LRP1B: variants seen among roughly 807,000 people sequenced by gnomAD.
LRP1B encodes the protein LDL receptor related protein 1B.
Under a neutral mutation model 556.6 loss-of-function variants are expected in LRP1B, and 217 were observed. The observed-to-expected ratio is 0.39, with a 90% confidence interval of 0.35 to 0.44. The LOEUF is 0.44. LRP1B is among the 20% of genes least tolerant of loss of function. LRP1B has a pLI of 1.00. For missense variants in LRP1B, 5,053 were observed against 5,620.8 expected, an observed-to-expected ratio of 0.90 and a Z score of 3.23; for synonymous variants, 2,047 against 1,865.8, an observed-to-expected ratio of 1.10 and a Z score of -2.50.
intron 1 of LRP1B, among the ~76,000 whole-genome samples, chr2:142,005,035 ATAT>A (rs1702760548): frequency 1.3e-5 from 2 of 148,188 alleles, no homozygotes; most frequent in African/African-American, 4.9e-5. Flanking sequence ...AGTATTATAG[ATAT>A]TATATATTTA....
chr2:140,830,322 C>G (rs1691671346), intron 31 of LRP1B, among the ~76,000 whole-genome samples: 2 of 152,030 alleles, frequency 1.3e-5, no homozygotes, highest in South Asian at 4.1e-4. Context: ...AAAACTATAT[C>G]CCTAATAAAC....
chr2:140,668,650 A>G (rs924068741), intron 41 of LRP1B, among the ~76,000 whole-genome samples: 2 of 151,908 alleles, frequency 1.3e-5, no homozygotes, highest in African/African-American at 4.8e-5. Flanking sequence ...AATTTTATTT[A>G]TATATTCATC....
At chr2:141,909,291 C>T (rs1699840314) in intron 1 of LRP1B, among the ~76,000 whole-genome samples, 1 of 151,950 alleles carries the variant, frequency 6.6e-6, no homozygotes, top group Non-Finnish European at 1.5e-5. Context: ...ATACAGGTAA[C>T]TCTTATAAGA....
intron 2 of LRP1B, among the ~76,000 whole-genome samples, chr2:141,547,951 G>A (rs769525836): frequency 7.2e-5 from 11 of 152,074 alleles, no homozygotes; most frequent in Non-Finnish European, 7.4e-5. Context: ...AGGGGAGGAC[G>A]ACCTAGCTCT....
chr2:140,718,369 C>G (rs2105468387), intron 35 of LRP1B, among the ~76,000 whole-genome samples: 1 of 152,046 alleles, frequency 6.6e-6, no homozygotes, highest in Non-Finnish European at 1.5e-5. Context: ...AATCCATTAC[C>G]AAGCATTTTT....
intron 84 of LRP1B, among the ~76,000 whole-genome samples, chr2:140,287,612 A>G (rs1683198716): frequency 6.7e-6 from 1 of 149,844 alleles, no homozygotes; most frequent in African/African-American, 2.4e-5. Context: ...CCATGGGTTT[A>G]GACATGGATC....
chr2:140,908,900 A>C (rs1336409258), intron 21 of LRP1B, among the ~76,000 whole-genome samples: 8 of 152,160 alleles, frequency 5.3e-5, no homozygotes. Context: ...CCCAGGTTCA[A>C]GCAATTCTCC....
At chr2:141,381,980 G>A (rs115889031) in intron 3 of LRP1B, among the ~76,000 whole-genome samples, 3 of 150,940 alleles carry the variant, frequency 2.0e-5, no homozygotes, top group Non-Finnish European at 4.4e-5. Flanking sequence ...GTCATTTTAA[G>A]TGTGTAGACA....
intron 20 of LRP1B, among the ~76,000 whole-genome samples, chr2:140,948,395 T>C (rs1695605052): frequency 6.6e-6 from 1 of 152,172 alleles, no homozygotes; most frequent in South Asian, 2.1e-4. Flanking sequence ...TACTTTTTCT[T>C]TTTTCACTCA....
chr2:141,595,475 A>G (rs990324993), intron 2 of LRP1B, among the ~76,000 whole-genome samples: 1 of 152,098 alleles, frequency 6.6e-6, no homozygotes, highest in Non-Finnish European at 1.5e-5. Context: ...ACCTCATCAG[A>G]TTTTTTATTG....
chr2:141,126,709 A>G (rs1346776982), intron 7 of LRP1B, among the ~76,000 whole-genome samples: 1 of 152,130 alleles, frequency 6.6e-6, no homozygotes, highest in Admixed American at 6.5e-5. Flanking sequence ...GTTACAATCA[A>G]AATTCTGTCA....
At chr2:141,430,772 C>T (rs182841238) in intron 3 of LRP1B, among the ~76,000 whole-genome samples, 22 of 152,086 alleles carry the variant, frequency 1.4e-4, no homozygotes, top group Non-Finnish European at 2.6e-4. Flanking sequence ...CAATCAAATG[C>T]CAATCTAGGT....
At chr2:141,682,889 C>T (rs549907269) in intron 2 of LRP1B, among the ~76,000 whole-genome samples, 1 of 152,242 alleles carries the variant, frequency 6.6e-6, no homozygotes, top group East Asian at 1.9e-4. Flanking sequence ...CTTTACCATG[C>T]TCCTCTGTTA....
intron 7 of LRP1B, among the ~76,000 whole-genome samples, chr2:141,177,641 T>G (rs773383927): frequency 1.3e-5 from 2 of 152,026 alleles, no homozygotes; most frequent in Non-Finnish European, 2.9e-5. Context: ...AAGAAATGAG[T>G]GAAGGGAAGA....
intron 3 of LRP1B, among the ~76,000 whole-genome samples, chr2:141,271,871 T>A (rs1446204586): frequency 6.6e-6 from 1 of 151,846 alleles, no homozygotes; most frequent in Non-Finnish European, 1.5e-5. Flanking sequence ...AAAGCAATTA[T>A]GTAAAAATTA....
At position 140,536,689 on chromosome 2, in the gene LRP1B, C is replaced by T. The variant is rs752821529; in HGVS notation, c.7534G>A (p.Ala2512Thr). The change falls in exon 46 of 91, where the codon GCT becomes ACT. Residue 2512 changes from alanine (A) to threonine (T), a missense_variant. Coordinates refer to ENST00000389484, the MANE Select transcript of LRP1B (RefSeq NM_018557.3). ...RCVTKNSSCN[A>T]YSEFECGNGE... ...TTTCCACATTCAAACTCCGAATAAG[C>T]GTTGCAGGAGGAATTTTTAGCTGCA... 10 of 1,596,622 alleles carry T rather than the reference C, an allele frequency of 6.3e-6. No individual in the cohort carries two copies. Among genetic ancestry groups the T allele is most frequent in the East Asian group, 2.3e-5 (1 of 44,354 alleles).
chr2:140,625,093 AG>A lies in LRP1B; in HGVS notation c.6800-23455del, dbSNP rs967727460. ...CAGGTTAAGGTGAGAAGCTCATTGG[AG>A]GGTTTTAACCAAACTATGAACAGTT... On this transcript the variant is annotated intron_variant, in intron 41 of 90. Coordinates refer to ENST00000389484, the MANE Select transcript of LRP1B (RefSeq NM_018557.3). 7.2e-4 allele frequency among the ~76,000 whole-genome samples: 110 copies of A among 152,264 alleles called. 1 individual carries two copies. Among genetic ancestry groups the A allele is most frequent in the African/African-American group, 2.5e-3 (105 of 41,560 alleles).
chr2:141,474,909 C>T (rs1310663241), intron 3 of LRP1B, among the ~76,000 whole-genome samples: 1 of 152,082 alleles, frequency 6.6e-6, no homozygotes, highest in African/African-American at 2.4e-5. Flanking sequence ...TTTAAAAGGA[C>T]TTCAGAATGT....
At chr2:141,211,147 T>C (rs930148462) in intron 6 of LRP1B, among the ~76,000 whole-genome samples, 1 of 151,550 alleles carries the variant, frequency 6.6e-6, no homozygotes, top group African/African-American at 2.4e-5. Context: ...ACTACCATGC[T>C]CAGCTAATTT....
Sources: allele counts gnomAD v4.1 joint callset (sites outside exome capture counted in the v4.1 genomes callset), GRCh38; gene constraint gnomAD v4.1.1; transcripts MANE v1.5; gene names NCBI Gene and HGNC (gene_info 2026-07-23, HGNC 2026-07-21).